The following TMED10 variants were observed in gnomAD, a reference collection of about 807,000 sequenced individuals.
The protein encoded by TMED10 is transmembrane p24 trafficking protein 10, also known as transmembrane emp24 domain-containing protein 10.
A neutral mutation model predicts 23.1 loss-of-function variants in TMED10; 7 were observed. The ratio of observed to expected loss-of-function variants is 0.30; its 90% CI spans 0.17 to 0.57. The LOEUF is 0.57. Among genes scored for constraint, TMED10 ranks in the 20% least tolerant of loss-of-function variants. The probability of loss-of-function intolerance (pLI) is 0.91; values close to 1 mark genes in which losing one functional copy is unlikely to be tolerated. For missense variants in TMED10, 162 were observed against 274.8 expected (o/e 0.59, Z 2.90); for synonymous variants, 113 against 106.9 (o/e 1.06, Z -0.35).
chr14:75,172,917 G>A (rs1237915366), intron 1 of TMED10, among the ~76,000 whole-genome samples: 1 of 151,848 alleles, frequency 6.6e-6, no homozygotes, highest in African/African-American at 2.4e-5. Flanking sequence ...ATTTTTAGGG[G>A]GCCAAACCAT....
chr14:75,132,840 C>T lies in TMED10; in HGVS notation c.*2045G>A, dbSNP rs1474119194. On this transcript the variant is annotated 3_prime_UTR_variant, in exon 5 of 5. Coordinates refer to ENST00000303575, the MANE Select transcript of TMED10 (RefSeq NM_006827.6). ...ATTCTTGCCACTGTGATTAAACAAG[C>T]CCTGTAATAGTCAGCAGGGTTAAAA... 1 of 152,528 alleles carries T rather than the reference C, an allele frequency of 6.6e-6. No individual in the cohort carries two copies. Among genetic ancestry groups the T allele is most frequent in the East Asian group, 1.9e-4 (1 of 5,190 alleles). The allele number at this position is 152,528 out of a possible 1,614,324, so 9.4% of individuals were successfully genotyped here.
rs543848573 is a variant in TMED10 at position 75,152,604 on chromosome 14, A to C, written c.226-461T>G. Among the ~76,000 whole-genome samples the C allele has an allele frequency of 2.0e-5, 3 of 152,346 alleles. No individual in the cohort carries two copies. The South Asian group carries it at 6.2e-4, about 32-fold the overall frequency. Reference sequence around the variant, plus strand: ...GGGAAGGGGTGTGGGTGGAGAATAAAATTAGGACACACAATACAAGGACAG... The same window carrying C: ...GGGAAGGGGTGTGGGTGGAGAATAACATTAGGACACACAATACAAGGACAG... On this transcript the variant is annotated intron_variant, in intron 1 of 4. Transcript: ENST00000303575.
chr14:75,162,151 G>C (rs1024889849), intron 1 of TMED10, among the ~76,000 whole-genome samples: 2 of 152,162 alleles, frequency 1.3e-5, no homozygotes, highest in African/African-American at 4.8e-5. Flanking sequence ...TGTAATTGCA[G>C]CTACTCAGGA....
In TMED10 at chr14:75,134,299, G is replaced by C. The variant is rs1376366946; in HGVS notation, c.*586C>G. ...GTCTAAAATGACATTTTCTTTAAGA[G>C]TTATCTACAGTTCAAAGCTCACTTT... On this transcript the variant is annotated 3_prime_UTR_variant, in exon 5 of 5. Coordinates refer to ENST00000303575, the MANE Select transcript of TMED10 (RefSeq NM_006827.6). 4 of 154,036 alleles carry C rather than the reference G, an allele frequency of 2.6e-5. No individual in the cohort carries two copies. Among genetic ancestry groups the C allele is most frequent in the African/African-American group, 9.6e-5 (4 of 41,454 alleles). The allele number at this position is 154,036 out of a possible 1,614,324, so 9.5% of individuals were successfully genotyped here. A position where few individuals can be genotyped will look rare whatever the true frequency, so the allele number is the denominator to read the frequency against.
At chr14:75,145,417 C>A (rs1279951022) in intron 3 of TMED10, among the ~76,000 whole-genome samples, 1 of 152,144 alleles carries the variant, frequency 6.6e-6, no homozygotes, top group African/African-American at 2.4e-5. Flanking sequence ...TATAAACCCA[C>A]AATAATGTCA....
Position 75,135,697 on chromosome 14 carries a change from G to C in TMED10, c.538+63C>G, listed in dbSNP as rs903408187. 24 of 1,584,930 alleles carry C rather than the reference G, an allele frequency of 1.5e-5. No homozygotes were observed. In the Admixed American group the frequency reaches 3.1e-4, roughly 20 times the overall value. On this transcript the variant is annotated intron_variant, in intron 4 of 4. Coordinates refer to ENST00000303575, the MANE Select transcript of TMED10 (RefSeq NM_006827.6). ...ACTGAGAAAAGGGTACACCAGAATT[G>C]AAAGTTTGGAGACTGTCTCATTTAT...
chr14:75,152,770 A>C (rs1895970310), intron 1 of TMED10, among the ~76,000 whole-genome samples: 1 of 151,392 alleles, frequency 6.6e-6, no homozygotes, highest in African/African-American at 2.4e-5. Context: ...ATGGTGGCTC[A>C]CGCCTGTAAT....
At chr14:75,164,573 ATATATTT>A (rs1245045550) in intron 1 of TMED10, among the ~76,000 whole-genome samples, 15 of 3,284 alleles carry the variant, frequency 4.6e-3, no homozygotes, top group African/African-American at 0.017. Context: ...ATATATATAT[ATATATTT>A]TTTTTTTTTT....
intron 1 of TMED10, 93 bp from the exon 2 acceptor site, chr14:75,152,236 G>C (rs543425812): frequency 4.2e-6 from 4 of 956,140 alleles, no homozygotes; most frequent in African/African-American, 1.6e-5. Context: ...ATCTATGAAA[G>C]ACAATTGATA....
intron 3 of TMED10, among the ~76,000 whole-genome samples, chr14:75,140,532 A>T (rs899711354): frequency 1.3e-5 from 2 of 151,418 alleles, no homozygotes; most frequent in Non-Finnish European, 2.9e-5. Context: ...ACATGGTGAA[A>T]CCCAGTCTTT....
At chr14:75,154,963 CT>C (rs370106706) in intron 1 of TMED10, among the ~76,000 whole-genome samples, 14,596 of 138,506 alleles carry the variant, frequency 0.11, 824 homozygotes, top group Non-Finnish European at 0.15. Flanking sequence ...TCACCTGGCC[CT>C]TTTTTTTTTT....
At position 75,134,834 on chromosome 14, in the gene TMED10, C is replaced by T. The variant is rs751442420; in HGVS notation, c.*51G>A. 1.4e-5 allele frequency: 22 copies of T among 1,609,526 alleles called. No homozygotes were observed. The highest frequency in any genetic ancestry group is 1.7e-5 in the Non-Finnish European group (20 of 1,177,382). On this transcript the variant is annotated 3_prime_UTR_variant, in exon 5 of 5. Transcript: ENST00000303575. The stretch of plus-strand genomic sequence containing the variant: ...ATGCCTTAGGCCAGGCACGTCCCAG[C>T]GATGTTCTGCTGGCTGAGGTACAAG...
At chr14:75,147,549 C>A in intron 3 of TMED10, 115 bp downstream of exon 3, 1 of 1,082,358 alleles carries the variant, frequency 9.2e-7, no homozygotes. Context: ...TGTCACAAGA[C>A]TGCTAAGAAA....
chr14:75,136,167 CT>C (rs894759482), intron 3 of TMED10, among the ~76,000 whole-genome samples: 220 of 151,328 alleles, frequency 1.5e-3, no homozygotes, highest in African/African-American at 5.2e-3. Context: ...AGATTTTTTA[CT>C]TTTTTTTTGA....
chr14:75,159,964 A>G (rs926090642), intron 1 of TMED10, among the ~76,000 whole-genome samples: 5 of 152,208 alleles, frequency 3.3e-5, no homozygotes, highest in African/African-American at 1.2e-4. Context: ...CCTTTTATCA[A>G]CATGAAATTT....
chr14:75,152,377 C>T (rs547551316), intron 1 of TMED10, among the ~76,000 whole-genome samples: 5 of 152,318 alleles, frequency 3.3e-5, no homozygotes, highest in African/African-American at 1.2e-4. Flanking sequence ...TCTGTTGCTG[C>T]TATAGGATGT....
intron 1 of TMED10, among the ~76,000 whole-genome samples, chr14:75,158,741 A>G (rs1896051691): frequency 6.6e-6 from 1 of 152,020 alleles, no homozygotes; most frequent in South Asian, 2.1e-4. Flanking sequence ...CCTGACTAAC[A>G]TGGAGAAACC....
chr14:75,156,614 T>C (rs900821518), intron 1 of TMED10, among the ~76,000 whole-genome samples: 9 of 152,194 alleles, frequency 5.9e-5, no homozygotes, highest in Non-Finnish European at 1.5e-5. Flanking sequence ...TTGAAATCTC[T>C]TAATTTTTAA....
rs1309920564 is a variant in TMED10, at chr14:75,135,964, CT to C, written c.412-79del. 6 of 1,563,704 alleles carry C rather than the reference CT, an allele frequency of 3.8e-6. No individual in the cohort carries two copies. In the Admixed American group the frequency reaches 8.4e-5, roughly 22 times the overall value. On this transcript the variant is annotated intron_variant, in intron 3 of 4. Coordinates refer to ENST00000303575, the MANE Select transcript of TMED10 (RefSeq NM_006827.6). ...AACATAAAGAAGGCAACAGAGAAGT[CT>C]TTTTTAAAGTTTCACCAGATTTAAA...
Sources: gnomAD v4.1 joint callset for allele counts (sites outside exome capture counted in the v4.1 genomes callset) on GRCh38, gnomAD v4.1.1 for gene constraint, MANE v1.5 for transcripts, NCBI Gene and HGNC (gene_info 2026-07-23, HGNC 2026-07-21) for gene names.